PCDH15: variants seen among roughly 807,000 people sequenced by gnomAD.
PCDH15 encodes the protein protocadherin-15.
PCDH15 carries 129 observed loss-of-function variants against 178.5 expected under a neutral mutation model. The observed-to-expected ratio is 0.72, with a 90% CI of 0.63 to 0.84. The LOEUF (loss-of-function observed/expected upper bound fraction) is 0.84. Among genes scored for constraint, PCDH15 ranks in the 40% least tolerant of loss-of-function variants. The probability of loss-of-function intolerance (pLI) is 0.00; values close to 1 mark genes in which losing one functional copy is unlikely to be tolerated. For missense variants in PCDH15, 2,230 were observed against 2,099.9 expected (o/e 1.06, Z -1.21); for synonymous variants, 800 against 732.0 (o/e 1.09, Z -1.50).
chr10:55,003,615 G>T (rs897265207), intron 2 of PCDH15, among the ~76,000 whole-genome samples: 2 of 152,142 alleles, frequency 1.3e-5, no homozygotes, highest in African/African-American at 4.8e-5. Flanking sequence ...CAATGTGGTT[G>T]TTTGCATAAG....
chr10:55,047,388 G>A (rs924865048), intron 2 of PCDH15, among the ~76,000 whole-genome samples: 5 of 115,946 alleles, frequency 4.3e-5, no homozygotes, highest in Admixed American at 4.1e-4. Context: ...CTTTGTAACT[G>A]TTGCTTAAAT....
intron 1 of PCDH15, among the ~76,000 whole-genome samples, chr10:55,258,758 C>CTTTTTTT (rs11398382): frequency 9.2e-6 from 1 of 108,158 alleles, no homozygotes; most frequent in Admixed American, 1.1e-4. Flanking sequence ...TGTTTGTCTG[C>CTTTTTTT]TTTTTTTTTT....
At chr10:54,129,048 G>A (rs983328987) in intron 15 of PCDH15, among the ~76,000 whole-genome samples, 7 of 152,066 alleles carry the variant, frequency 4.6e-5, no homozygotes, top group Admixed American at 2.0e-4. Flanking sequence ...TAATCAAAGG[G>A]AGAAAAACTA....
At chr10:54,712,576 A>G (rs957170585) in intron 1 of PCDH15, among the ~76,000 whole-genome samples, 5 of 151,998 alleles carry the variant, frequency 3.3e-5, no homozygotes, top group African/African-American at 1.2e-4. Flanking sequence ...TAATGGAATT[A>G]TAGGTTGATG....
At chr10:54,368,040 A>G (rs1275028984) in intron 5 of PCDH15, among the ~76,000 whole-genome samples, 1 of 151,986 alleles carries the variant, frequency 6.6e-6, no homozygotes, top group Non-Finnish European at 1.5e-5. Context: ...AACTCATTAA[A>G]CAAAAGTGAC....
At chr10:54,630,072 T>C (rs2093660599) in intron 2 of PCDH15, among the ~76,000 whole-genome samples, 1 of 152,148 alleles carries the variant, frequency 6.6e-6, no homozygotes, top group Admixed American at 6.6e-5. Context: ...AAAATACTGC[T>C]GAATGAAATC....
At chr10:54,770,474 C>A (rs1433585064) in intron 1 of PCDH15, among the ~76,000 whole-genome samples, 1 of 152,046 alleles carries the variant, frequency 6.6e-6, no homozygotes, top group Non-Finnish European at 1.5e-5. Context: ...ACTAACAGAG[C>A]CATCCTTTTC....
intron 2 of PCDH15, among the ~76,000 whole-genome samples, chr10:55,489,851 T>C (rs979311553): frequency 6.6e-6 from 1 of 151,562 alleles, no homozygotes; most frequent in Non-Finnish European, 1.5e-5. Context: ...ACACTTTATG[T>C]GAAATGTGGA....
intron 14 of PCDH15, among the ~76,000 whole-genome samples, chr10:54,137,562 C>CT (rs1564509802): frequency 6.6e-6 from 1 of 152,138 alleles, no homozygotes; most frequent in East Asian, 1.9e-4. Context: ...TATCAAAGAA[C>CT]TGAAACTCAC....
chr10:54,093,765 C>T (rs570208639), intron 15 of PCDH15, among the ~76,000 whole-genome samples: 13 of 152,170 alleles, frequency 8.5e-5, no homozygotes, highest in Admixed American at 2.6e-4. Context: ...AATTATATTA[C>T]TATTTCTGCC....
chr10:55,436,015 T>C (rs1839029843), intron 2 of PCDH15, among the ~76,000 whole-genome samples: 2 of 151,974 alleles, frequency 1.3e-5, no homozygotes, highest in Admixed American at 6.6e-5. Context: ...AAGTTCGTCA[T>C]TTTTTAATTT....
At position 54,762,061 on chromosome 10, in the gene PCDH15, A is replaced by T. The variant is rs1337224424; in HGVS notation, c.-29+38864T>A. 7.2e-5 allele frequency among the ~76,000 whole-genome samples: 11 copies of T among 152,280 alleles called. No homozygotes were observed. In the East Asian group the frequency reaches 2.1e-3, roughly 29 times the overall value. ...TAGAGGACCATTCTCCTTACCATAA[A>T]GTGAGAACTCAGATATACTCTCCAA... On this transcript the variant is annotated intron_variant, in intron 1 of 37. Coordinates refer to ENST00000644397, the MANE Select transcript of PCDH15 (RefSeq NM_001384140.1).
chr10:54,323,663 A>T (rs2061745930), intron 7 of PCDH15, among the ~76,000 whole-genome samples: 1 of 152,106 alleles, frequency 6.6e-6, no homozygotes. Context: ...GGAGCTAAAC[A>T]CCAAGTGCCC....
chr10:53,870,576 A>G (rs915425509), intron 26 of PCDH15, among the ~76,000 whole-genome samples: 7 of 152,168 alleles, frequency 4.6e-5, no homozygotes, highest in African/African-American at 1.7e-4. Flanking sequence ...CTCTTCCTCA[A>G]GTATGTTCAG....
At chr10:54,223,671 C>A (rs1392183650) in intron 9 of PCDH15, among the ~76,000 whole-genome samples, 1 of 151,230 alleles carries the variant, frequency 6.6e-6, no homozygotes, top group Non-Finnish European at 1.5e-5. Context: ...AATGTGGATG[C>A]CTGACCTAAA....
chr10:54,436,002 A>G (rs1435898990), intron 3 of PCDH15, among the ~76,000 whole-genome samples: 4 of 127,862 alleles, frequency 3.1e-5, no homozygotes, highest in South Asian at 2.6e-4. Context: ...AAAAGAAAAG[A>G]AGAGGAGAGG....
chr10:55,601,875 G>T (rs755834167), intron 2 of PCDH15, among the ~76,000 whole-genome samples: 1 of 151,874 alleles, frequency 6.6e-6, no homozygotes, highest in Non-Finnish European at 1.5e-5. Flanking sequence ...ACACACACAC[G>T]GGGGGAGGAG....
chr10:55,196,530 G>A (rs1225073448), intron 1 of PCDH15, among the ~76,000 whole-genome samples: 1 of 151,792 alleles, frequency 6.6e-6, no homozygotes, highest in Non-Finnish European at 1.5e-5. Flanking sequence ...ACAGCTTCCT[G>A]GATATAATCA....
At chr10:55,137,361 C>T (rs905777875) in intron 2 of PCDH15, among the ~76,000 whole-genome samples, 3 of 151,982 alleles carry the variant, frequency 2.0e-5, no homozygotes, top group Non-Finnish European at 4.4e-5. Flanking sequence ...AGTAAAATGC[C>T]GTATAGGTTT....
Sources: allele counts gnomAD v4.1 joint callset (sites outside exome capture counted in the v4.1 genomes callset), GRCh38; gene constraint gnomAD v4.1.1; transcripts MANE v1.5; gene names NCBI Gene and HGNC (gene_info 2026-07-23, HGNC 2026-07-21).